The following JADE2 variants were observed in gnomAD, a reference collection of about 807,000 sequenced individuals.
JADE2 encodes jade family PHD finger 2.
In JADE2, 13 loss-of-function variants were observed where a neutral mutation model predicts 85.7. That is an observed-to-expected ratio of 0.15 (90% CI 0.10 to 0.24). JADE2 has a LOEUF of 0.24. Ranked by LOEUF, JADE2 falls within the 10% of genes least tolerant of loss-of-function variation. The probability of loss-of-function intolerance (pLI) is 1.00; values close to 1 mark genes in which losing one functional copy is unlikely to be tolerated. For synonymous variants in JADE2, 440 were observed against 456.1 expected (o/e 0.96, Z 0.45); for missense variants, 846 against 1,115.9 (o/e 0.76, Z 3.45).
chr5:134,542,435 CTTTT>C (rs10568722), intron 3 of JADE2, among the ~76,000 whole-genome samples: 4 of 93,470 alleles, frequency 4.3e-5, no homozygotes, highest in African/African-American at 1.7e-4. Context: ...GTACCTATAC[CTTTT>C]TTTTTTTTTT....
intron 10 of JADE2, chr5:134,574,962 A>T (rs1179005800): frequency 6.6e-6 from 1 of 152,284 alleles, no homozygotes; most frequent in Non-Finnish European, 1.5e-5. Context: ...CATCTCAGGC[A>T]CTTGGCTGTG....
Position 134,566,957 on chromosome 5 carries a change from C to T in JADE2, c.1434+377C>T, listed in dbSNP as rs1763679058. On this transcript the variant is annotated intron_variant, in intron 9 of 11. Transcript: ENST00000681547. This position sits in a 1 kb window ranked among gnomAD's most constrained non-coding sequence, Gnocchi z 6.7. ...CTGTGGGCCCCGCCTGGTCCTAACA[C>T]ATGAGCTTGCATTGAGAATCTGAGG... Among the ~76,000 whole-genome samples the T allele has an allele frequency of 6.6e-6, 1 of 152,232 alleles. No individual in the cohort carries two copies. The highest frequency in any genetic ancestry group is 1.5e-5 in the Non-Finnish European group (1 of 68,044).
intron 1 of JADE2, 110 bp from the exon 2 acceptor site, chr5:134,535,748 T>C (rs1024831972): frequency 4.4e-5 from 39 of 880,728 alleles, no homozygotes; most frequent in African/African-American, 4.3e-4. Flanking sequence ...TTTATTCTTA[T>C]CTTTCTGCAG....
intron 3 of JADE2, among the ~76,000 whole-genome samples, chr5:134,551,274 G>A (rs1762576705): frequency 6.6e-6 from 1 of 151,972 alleles, no homozygotes; most frequent in Admixed American, 6.6e-5. Context: ...TGTCACTCAG[G>A]CTGGAGTGCA....
intron 1 of JADE2, among the ~76,000 whole-genome samples, chr5:134,531,566 C>T (rs1201158262): frequency 6.6e-6 from 1 of 151,768 alleles, no homozygotes; most frequent in Non-Finnish European, 1.5e-5. Flanking sequence ...TGCATATCAC[C>T]ATGTCCAGCT....
chr5:134,552,906 C>T (rs1258383767), intron 4 of JADE2, among the ~76,000 whole-genome samples: 1 of 150,956 alleles, frequency 6.6e-6, no homozygotes, highest in Non-Finnish European at 1.5e-5. Flanking sequence ...CTCCTGGGCT[C>T]AAGCGATCTG....
chr5:134,541,892 C>T (rs1435434999), intron 3 of JADE2, among the ~76,000 whole-genome samples: 1 of 152,232 alleles, frequency 6.6e-6, no homozygotes, highest in Non-Finnish European at 1.5e-5. Context: ...AGCACTTGAC[C>T]AGGAGTCAGG....
Position 134,535,841 on chromosome 5 carries a change from C to T in JADE2, c.1-17C>T, listed in dbSNP as rs760498905. On this transcript the variant is annotated splice_polypyrimidine_tract_variant and intron_variant, in intron 1 of 11. Coordinates refer to ENST00000681547, the MANE Select transcript of JADE2 (RefSeq NM_001388185.1). Reference sequence around the variant, plus strand: ...CCAAGCCATCCGTGAGTATAATGGGCTTGCCTTTTGTTGCAGATGGAAGAG... The same window carrying T: ...CCAAGCCATCCGTGAGTATAATGGGTTTGCCTTTTGTTGCAGATGGAAGAG... 5.0e-6 allele frequency: 8 copies of T among 1,613,308 alleles called. No homozygotes were observed. Among genetic ancestry groups the T allele is most frequent in the Non-Finnish European group, 6.8e-6 (8 of 1,179,406 alleles).
Position 134,562,080 on chromosome 5 carries a change from G to A in JADE2, c.685-120G>A, listed in dbSNP as rs1732919141. 1 of 993,234 alleles carries A rather than the reference G, an allele frequency of 1.0e-6. No homozygotes were observed. Among genetic ancestry groups the A allele is most frequent in the Non-Finnish European group, 1.5e-6 (1 of 686,456 alleles). The allele number at this position is 993,234 out of a possible 1,614,324, so 61.5% of individuals were successfully genotyped here. Reference sequence around the variant, plus strand: ...AACTCCTCAGAAGTTGTACGTGCCAGAGATGGGAGGCTGTGTAGCAGTGTA... The same window carrying A: ...AACTCCTCAGAAGTTGTACGTGCCAAAGATGGGAGGCTGTGTAGCAGTGTA... On this transcript the variant is annotated intron_variant, in intron 6 of 11. Coordinates refer to ENST00000681547, the MANE Select transcript of JADE2 (RefSeq NM_001388185.1). This position sits in a 1 kb window ranked among gnomAD's most constrained non-coding sequence, Gnocchi z 4.6.
At chr5:134,547,861 C>G (rs1250697317) in intron 3 of JADE2, among the ~76,000 whole-genome samples, 1 of 152,188 alleles carries the variant, frequency 6.6e-6, no homozygotes, top group Non-Finnish European at 1.5e-5. Context: ...ATTGAGCTCC[C>G]CTTCTAGTGG....
intron 1 of JADE2, among the ~76,000 whole-genome samples, chr5:134,529,087 C>G (rs1174655233): frequency 1.3e-5 from 2 of 152,182 alleles, no homozygotes. Context: ...TGGCTCTAAC[C>G]TAGTGTTCCT....
At chr5:134,536,150 A>G (rs1367038199) in intron 2 of JADE2, among the ~76,000 whole-genome samples, 1 of 152,134 alleles carries the variant, frequency 6.6e-6, no homozygotes, top group Non-Finnish European at 1.5e-5. Context: ...CTTATCCTCT[A>G]GGTCCCAGCT....
intron 3 of JADE2, among the ~76,000 whole-genome samples, chr5:134,551,658 A>G (rs535815521): frequency 7.9e-5 from 12 of 152,050 alleles, no homozygotes; most frequent in Admixed American, 7.2e-4. Flanking sequence ...GATTACAGGC[A>G]TGAGCCACCA....
At chr5:134,553,423 G>A (rs1329064126) in intron 4 of JADE2, among the ~76,000 whole-genome samples, 3 of 145,904 alleles carry the variant, frequency 2.1e-5, no homozygotes, top group Non-Finnish European at 3.0e-5. Flanking sequence ...GTGCGATCTT[G>A]GCTCACTGCA....
chr5:134,547,882 G>A (rs1178176978), intron 3 of JADE2, among the ~76,000 whole-genome samples: 1 of 152,166 alleles, frequency 6.6e-6, no homozygotes, highest in Non-Finnish European at 1.5e-5. Flanking sequence ...GGAAGACATG[G>A]CAAAAAACCA....
At chr5:134,531,699 C>T (rs1761246756) in intron 1 of JADE2, among the ~76,000 whole-genome samples, 2 of 151,890 alleles carry the variant, frequency 1.3e-5, no homozygotes, top group South Asian at 4.2e-4. Context: ...TCTCTTGCCT[C>T]AGCCTCCAGA....
At chr5:134,539,494 C>T (rs7735380) in intron 3 of JADE2, among the ~76,000 whole-genome samples, 3,171 of 152,328 alleles carry the variant, frequency 0.021, 101 homozygotes, top group African/African-American at 0.067. Flanking sequence ...CCACCGCGCC[C>T]GGCCAATCCT....
In JADE2 at chr5:134,550,248, G is replaced by A. The variant is rs140766572; in HGVS notation, c.154-1804G>A. Reference sequence around the variant, plus strand: ...TTATATTGGCAAGTAAAGTCTTCAAGAAACTTGACCTTTTTCAAGCCAGGG... The same window carrying A: ...TTATATTGGCAAGTAAAGTCTTCAAAAAACTTGACCTTTTTCAAGCCAGGG... On this transcript the variant is annotated intron_variant, in intron 3 of 11. Coordinates refer to ENST00000681547, the MANE Select transcript of JADE2 (RefSeq NM_001388185.1). 3.6e-3 allele frequency among the ~76,000 whole-genome samples: 552 copies of A among 152,296 alleles called. 2 individuals carry two copies. Among genetic ancestry groups the A allele is most frequent in the Non-Finnish European group, 5.9e-3 (403 of 68,034 alleles).
In JADE2 at chr5:134,551,935, T is replaced by C. The variant is rs540340922; in HGVS notation, c.154-117T>C. The C allele has an allele frequency of 3.2e-5, 29 of 907,428 alleles. No homozygotes were observed. In the African/African-American group the frequency reaches 3.3e-4, roughly 10 times the overall value. The allele number at this position is 907,428 out of a possible 1,614,324, so 56.2% of individuals were successfully genotyped here. ...GATTGCTTTTATTTCGTCTTATTTC[T>C]AAGTGCGCAGGCAGAATGTCCACTT... On this transcript the variant is annotated intron_variant, in intron 3 of 11. Coordinates refer to ENST00000681547, the MANE Select transcript of JADE2 (RefSeq NM_001388185.1).
Sources: allele counts gnomAD v4.1 joint callset (sites outside exome capture counted in the v4.1 genomes callset), GRCh38; gene constraint gnomAD v4.1.1; non-coding constraint Gnocchi (gnomAD v3.1); transcripts MANE v1.5; gene names NCBI Gene and HGNC (gene_info 2026-07-23, HGNC 2026-07-21).